The following UAP1 variants were observed in gnomAD, a reference collection of about 807,000 sequenced individuals.
The protein encoded by UAP1 is UDP-N-acetylhexosamine pyrophosphorylase.
UAP1 carries 25 observed loss-of-function variants against 58.5 expected under a neutral mutation model. The ratio of observed to expected loss-of-function variants is 0.43; its 90% CI spans 0.31 to 0.60. The LOEUF (loss-of-function observed/expected upper bound fraction) is 0.60, where lower values mean the gene tolerates loss of function less well. Among genes scored for constraint, UAP1 ranks in the 20% least tolerant of loss-of-function variants. UAP1 has a pLI of 0.11. For missense variants in UAP1, 575 were observed against 630.0 expected (o/e 0.91, Z 0.93); for synonymous variants, 208 against 213.0 (o/e 0.98, Z 0.21).
At chr1:162,595,891 G>C (rs962021868) in intron 9 of UAP1, among the ~76,000 whole-genome samples, 3 of 151,978 alleles carry the variant, frequency 2.0e-5, no homozygotes, top group Non-Finnish European at 4.4e-5. Flanking sequence ...TTGCTCTGTT[G>C]CCCAGGCTGG....
At chr1:162,584,632 A>G (rs76856978) in intron 5 of UAP1, among the ~76,000 whole-genome samples, 1,918 of 152,074 alleles carry the variant, frequency 0.013, 30 homozygotes, top group East Asian at 0.049. Context: ...ACAGGCACCC[A>G]GCACCATGCC....
intron 9 of UAP1, among the ~76,000 whole-genome samples, 167 bp downstream of exon 9, chr1:162,592,949 A>C (rs189022503): frequency 6.6e-6 from 1 of 152,270 alleles, no homozygotes; most frequent in Admixed American, 6.5e-5. Flanking sequence ...TCTCTGGATG[A>C]CACTAACTCA....
chr1:162,583,183 T>C (rs149351374), intron 5 of UAP1, among the ~76,000 whole-genome samples: 1,743 of 145,546 alleles, frequency 0.012, 32 homozygotes, highest in East Asian at 0.044. Context: ...GACGCAGTCT[T>C]GCACTGTCGC....
At chr1:162,566,454 C>T in intron 2 of UAP1, 106 bp downstream of exon 2, 1 of 1,186,458 alleles carries the variant, frequency 8.4e-7, no homozygotes, top group Non-Finnish European at 1.2e-6. Context: ...CTACATTAAA[C>T]CAGGTGACCT....
chr1:162,567,381 T>G (rs1397362215), intron 2 of UAP1, among the ~76,000 whole-genome samples: 1 of 152,252 alleles, frequency 6.6e-6, no homozygotes, highest in Non-Finnish European at 1.5e-5. Context: ...AGTTATAAGT[T>G]GATCAATAAG....
intron 3 of UAP1, 135 bp downstream of exon 3, chr1:162,577,116 A>G (rs1654236783): frequency 2.3e-6 from 2 of 887,366 alleles, no homozygotes; most frequent in South Asian, 1.8e-5. Context: ...AATTTACTAT[A>G]TATGTTAAAA....
At chr1:162,593,206 A>G (rs1209672121) in intron 9 of UAP1, 1 of 167,376 alleles carries the variant, frequency 6.0e-6, no homozygotes, top group African/African-American at 2.4e-5. Context: ...GTCATATTTG[A>G]TGGCCCTTAA....
At chr1:162,576,611 A>G (rs948806765) in intron 2 of UAP1, among the ~76,000 whole-genome samples, 166 bp from the exon 3 acceptor site, 1 of 152,200 alleles carries the variant, frequency 6.6e-6, no homozygotes, top group African/African-American at 2.4e-5. Flanking sequence ...GGTCCAAGCC[A>G]GATTCTCCAC....
chr1:162,579,473 C>G (rs910932315), exon 4 of UAP1: 2 of 1,607,006 alleles, frequency 1.2e-6, no homozygotes, highest in African/African-American at 2.7e-5. Flanking sequence ...CAAAGGAGTT[C>G]TTCACCAAGC....
intron 1 of UAP1, among the ~76,000 whole-genome samples, chr1:162,565,384 G>C (rs1231261730): frequency 1.3e-5 from 2 of 152,164 alleles, no homozygotes; most frequent in Non-Finnish European, 2.9e-5. Context: ...TATGTGTATT[G>C]CTTGTCTCTT....
chr1:162,569,803 C>G (rs186787591), intron 2 of UAP1, among the ~76,000 whole-genome samples: 4 of 152,278 alleles, frequency 2.6e-5, no homozygotes, highest in African/African-American at 9.6e-5. Flanking sequence ...ATTATCTCCT[C>G]TACATTTTTT....
chr1:162,600,034 C>T (rs1655842589), downstream of UAP1, among the ~76,000 whole-genome samples: 1 of 152,142 alleles, frequency 6.6e-6, no homozygotes, highest in African/African-American at 2.4e-5. Flanking sequence ...ATTATTTTGT[C>T]CTCCACCCAA....
At chr1:162,598,761 C>A (rs1422993426) in intron 10 of UAP1, among the ~76,000 whole-genome samples, 1 of 152,168 alleles carries the variant, frequency 6.6e-6, no homozygotes, top group Admixed American at 6.5e-5. Context: ...TGCCTGTAAT[C>A]CCAGCGCTTT....
intron 2 of UAP1, among the ~76,000 whole-genome samples, chr1:162,567,483 G>A (rs548828930): frequency 6.6e-5 from 10 of 152,098 alleles, no homozygotes; most frequent in Non-Finnish European, 1.3e-4. Flanking sequence ...TTTGAGAATG[G>A]CAAAATAGCT....
intron 2 of UAP1, among the ~76,000 whole-genome samples, chr1:162,572,631 T>G (rs963844091): frequency 4.6e-5 from 7 of 152,236 alleles, no homozygotes; most frequent in African/African-American, 1.7e-4. Context: ...CAGAGATCTC[T>G]GTGTCCAAAA....
chr1:162,567,224 G>T (rs1207144879), intron 2 of UAP1, among the ~76,000 whole-genome samples: 1 of 152,116 alleles, frequency 6.6e-6, no homozygotes, highest in Non-Finnish European at 1.5e-5. Flanking sequence ...TTTCTTTTGT[G>T]TCCCAAGTTA....
At chr1:162,587,365 T>C (rs1292901315) in intron 5 of UAP1, 110 bp from the exon 6 acceptor site, 1 of 984,738 alleles carries the variant, frequency 1.0e-6, no homozygotes, top group Non-Finnish European at 1.5e-6. Context: ...CTTCTTGGCT[T>C]TATACCTTTT....
At chr1:162,590,538 A>G (rs371868708) in intron 8 of UAP1, 27 bp downstream of exon 8, 407 of 1,557,082 alleles carry the variant, frequency 2.6e-4, no homozygotes, top group Non-Finnish European at 3.3e-4. Flanking sequence ...TCTCTTTTGT[A>G]TGAATCCTTT....
chr1:162,587,848 G>A (rs1654996782), intron 6 of UAP1, 180 bp downstream of exon 6: 16 of 619,178 alleles, frequency 2.6e-5, no homozygotes, highest in Middle Eastern at 4.8e-4. Flanking sequence ...GTATTGTAAG[G>A]TGGGAATCAT....
Sources: allele counts gnomAD v4.1 joint callset (sites outside exome capture counted in the v4.1 genomes callset), GRCh38; gene constraint gnomAD v4.1.1; transcripts MANE v1.5; gene names NCBI Gene and HGNC (gene_info 2026-07-23, HGNC 2026-07-21).